SPON1: variants seen among roughly 807,000 people sequenced by gnomAD.
SPON1 encodes spondin 1, also known as spondin-1.
SPON1 carries 52 observed loss-of-function variants against 111.7 expected under a neutral mutation model. The observed-to-expected ratio is 0.47, with a 90% confidence interval of 0.37 to 0.59. SPON1 has a LOEUF of 0.59. Among genes scored for constraint, SPON1 ranks in the 20% least tolerant of loss-of-function variants. The pLI is 0.00. For synonymous variants in SPON1, 410 were observed against 395.8 expected (o/e 1.04, Z -0.43); for missense variants, 957 against 1,068.5 (o/e 0.90, Z 1.46).
chr11:13,976,104 G>A (rs970295209), intron 1 of SPON1, among the ~76,000 whole-genome samples: 1 of 152,326 alleles, frequency 6.6e-6, no homozygotes, highest in East Asian at 1.9e-4. Context: ...TAAGGAAATA[G>A]ATTAAGTAAT....
At chr11:14,000,474 T>C (rs944146284) in intron 2 of SPON1, among the ~76,000 whole-genome samples, 4 of 152,354 alleles carry the variant, frequency 2.6e-5, no homozygotes, top group East Asian at 1.9e-4. Context: ...ATTGCTTTGT[T>C]CAGCACTGCA....
At chr11:14,192,157 A>T (rs187482005) in intron 6 of SPON1, among the ~76,000 whole-genome samples, 32 of 152,280 alleles carry the variant, frequency 2.1e-4, no homozygotes, top group African/African-American at 7.5e-4. Flanking sequence ...CATGTGTTCA[A>T]TTCTGAAGGA....
intron 6 of SPON1, among the ~76,000 whole-genome samples, chr11:14,230,790 T>TCC (rs1554938619): frequency 2.0e-5 from 3 of 151,742 alleles, no homozygotes; most frequent in African/African-American, 7.3e-5. Flanking sequence ...CTTCCTTCAT[T>TCC]TTTTCGTGGT....
In SPON1 at chr11:13,963,004, C is replaced by A; in HGVS notation, c.100C>A (p.Leu34Met). The A allele has an allele frequency of 6.3e-7, 1 of 1,594,560 alleles. No individual in the cohort carries two copies. ...AAALAFSDET[L>M]DKVPKSEGYC... ...GGCGCTGGCCTTCTCCGACGAGACC[C>A]TGGACAAAGTGCCCAAGTCAGAGGG... The change falls in exon 1 of 16, where the codon CTG (leucine) becomes ATG (methionine). Residue 34 changes from leucine (L) to methionine (M), a missense_variant. Physicochemically the swap from Leu to Met is conservative, Grantham distance 15 (BLOSUM62 2). Coordinates refer to ENST00000576479, the MANE Select transcript of SPON1 (RefSeq NM_006108.4).
chr11:14,074,420 ACT>A (rs1231287028), intron 3 of SPON1, among the ~76,000 whole-genome samples: 27 of 152,278 alleles, frequency 1.8e-4, no homozygotes, highest in African/African-American at 5.8e-4. Context: ...AGATCATGTG[ACT>A]CTAATACTCC....
chr11:13,970,294 G>C (rs1848052682), intron 1 of SPON1, among the ~76,000 whole-genome samples: 1 of 152,152 alleles, frequency 6.6e-6, no homozygotes, highest in South Asian at 2.1e-4. Flanking sequence ...TGTAGAGCAG[G>C]CTTCTACCTT....
In SPON1 at chr11:14,259,748, C is replaced by T. The variant is rs368395785; in HGVS notation, c.1831+47C>T. 1,372 of 1,529,666 alleles carry T rather than the reference C, an allele frequency of 9.0e-4. 23 individuals are homozygous for T. The South Asian group carries it at 0.016, about 18-fold the overall frequency. The allele number at this position is 1,529,666 out of a possible 1,614,324, so 94.8% of individuals were successfully genotyped here. ...CTTGGAGGAGGCCACTGGGGACAGG[C>T]GTGGAGGGCCATGGCATCCACTATT... On this transcript the variant is annotated intron_variant, in intron 13 of 15. Transcript: ENST00000576479. The surrounding 1 kb of genome is among the most constrained non-coding windows in gnomAD (Gnocchi z 5.0).
chr11:14,188,388 G>T (rs1848309989), intron 6 of SPON1, among the ~76,000 whole-genome samples: 1 of 152,136 alleles, frequency 6.6e-6, no homozygotes, highest in Non-Finnish European at 1.5e-5. Context: ...TGAAGAGGTG[G>T]CAGGAAGACA....
intron 6 of SPON1, among the ~76,000 whole-genome samples, chr11:14,237,851 T>C (rs1554939347): frequency 6.6e-6 from 1 of 152,228 alleles, no homozygotes; most frequent in Non-Finnish European, 1.5e-5. Context: ...GGCTAGGACA[T>C]GCCCTTAAGA....
intron 1 of SPON1, among the ~76,000 whole-genome samples, chr11:13,965,503 G>A (rs868994334): frequency 1.3e-5 from 2 of 152,210 alleles, no homozygotes; most frequent in African/African-American, 4.8e-5. Context: ...GGGCCAGCAG[G>A]TGGGGAACTG....
chr11:14,002,323 AG>A (rs1474087437), intron 2 of SPON1, among the ~76,000 whole-genome samples: 1 of 152,050 alleles, frequency 6.6e-6, no homozygotes, highest in Non-Finnish European at 1.5e-5. Flanking sequence ...TGTGCACCTA[AG>A]GGGGTGAGGA....
chr11:14,086,692 T>C (rs879981887), intron 5 of SPON1, among the ~76,000 whole-genome samples: 36 of 152,334 alleles, frequency 2.4e-4, no homozygotes, highest in Non-Finnish European at 5.0e-4. Context: ...CGTCTTTTTC[T>C]GTTGTTTGGA....
intron 2 of SPON1, among the ~76,000 whole-genome samples, chr11:14,011,682 G>A (rs1848406208): frequency 6.6e-6 from 1 of 152,156 alleles, no homozygotes; most frequent in Non-Finnish European, 1.5e-5. Context: ...CCCACTGTAG[G>A]CACGTAGAGG....
intron 6 of SPON1, among the ~76,000 whole-genome samples, chr11:14,157,889 A>C (rs185026332): frequency 3.3e-5 from 5 of 152,210 alleles, no homozygotes; most frequent in Non-Finnish European, 5.9e-5. Flanking sequence ...TGTTGCTAAA[A>C]TTCTCCATCT....
At chr11:14,020,175 A>G (rs1461964489) in intron 2 of SPON1, among the ~76,000 whole-genome samples, 11 of 152,172 alleles carry the variant, frequency 7.2e-5, no homozygotes, top group African/African-American at 2.2e-4. Context: ...AGAAGAGGAC[A>G]AGAGGAGAAC....
intron 1 of SPON1, among the ~76,000 whole-genome samples, chr11:13,968,141 T>A (rs1257518239): frequency 1.3e-5 from 2 of 152,212 alleles, no homozygotes; most frequent in Non-Finnish European, 2.9e-5. Flanking sequence ...GACTGTCACA[T>A]ATATATAGGT....
intron 5 of SPON1, among the ~76,000 whole-genome samples, chr11:14,085,723 A>G (rs1849000985): frequency 6.6e-6 from 1 of 152,186 alleles, no homozygotes; most frequent in Admixed American, 6.5e-5. Context: ...CATTGAATCT[A>G]TAAATTACTT....
rs1375990218 is a variant in SPON1, at chr11:14,259,626, A to T, written c.1756A>T (p.Lys586Ter). 1 of 1,562,420 alleles carries T rather than the reference A, an allele frequency of 6.4e-7. No homozygotes were observed. Residue 586 changes from lysine (K) to a stop codon, truncating the protein, a stop_gained, in exon 13 of 16, where the codon AAG (lysine) becomes TAG (stop). Transcript: ENST00000576479. LOFTEE classifies it high-confidence loss of function. This position sits in a 1 kb window ranked among gnomAD's most constrained non-coding sequence, Gnocchi z 5.0. Reference protein sequence around the residue: ...MGMKKRHRMIKMNPADGSMCK... With the variant: ...MGMKKRHRMI The stretch of plus-strand genomic sequence containing the variant: ...CATGAAGAAGCGGCACCGCATGATC[A>T]AGATGAACCCCGCAGATGGCTCCAT...
chr11:14,153,745 C>A (rs1847811964), intron 6 of SPON1, among the ~76,000 whole-genome samples: 1 of 152,156 alleles, frequency 6.6e-6, no homozygotes, highest in Non-Finnish European at 1.5e-5. Flanking sequence ...ATGCCCAAAT[C>A]CCAAGTCTCA....
Sources: allele counts gnomAD v4.1 joint callset (sites outside exome capture counted in the v4.1 genomes callset), GRCh38; gene constraint gnomAD v4.1.1; non-coding constraint Gnocchi (gnomAD v3.1); transcripts MANE v1.5; gene names NCBI Gene and HGNC (gene_info 2026-07-23, HGNC 2026-07-21).